UBE2W: variants seen among roughly 807,000 people sequenced by gnomAD.
The protein encoded by UBE2W is ubiquitin conjugating enzyme E2 W, also known as ubiquitin-conjugating enzyme E2 W.
UBE2W carries 18 observed loss-of-function variants against 27.2 expected under a neutral mutation model. That is an observed-to-expected ratio of 0.66 (90% confidence interval 0.46 to 0.98). The LOEUF is 0.98. Among genes scored for constraint, UBE2W ranks in the 50% least tolerant of loss-of-function variants. UBE2W has a pLI of 0.00. For synonymous variants in UBE2W, 53 were observed against 57.2 expected, an observed-to-expected ratio of 0.93 and a Z score of 0.33; for missense variants, 90 against 180.2, an observed-to-expected ratio of 0.50 and a Z score of 2.87.
intron 1 of UBE2W, among the ~76,000 whole-genome samples, chr8:73,878,555 C>T (rs2131009183): frequency 6.6e-6 from 1 of 152,334 alleles, no homozygotes; most frequent in Admixed American, 6.5e-5. Flanking sequence ...GCCCTTTCTT[C>T]CCCAACCCTC....
intron 1 of UBE2W, among the ~76,000 whole-genome samples, chr8:73,851,700 G>C (rs1160917315): frequency 6.6e-6 from 1 of 152,114 alleles, no homozygotes; most frequent in Admixed American, 6.6e-5. Context: ...AATTACATTT[G>C]AGACATTACT....
At chr8:73,863,761 G>A (rs1159891520) in intron 1 of UBE2W, among the ~76,000 whole-genome samples, 1 of 151,778 alleles carries the variant, frequency 6.6e-6, no homozygotes, top group Admixed American at 6.6e-5. Flanking sequence ...CTCAAAAAAA[G>A]AATTAGCTGA....
At chr8:73,846,771 G>C (rs1030584077) in intron 1 of UBE2W, among the ~76,000 whole-genome samples, 1 of 152,188 alleles carries the variant, frequency 6.6e-6, no homozygotes, top group Non-Finnish European at 1.5e-5. Flanking sequence ...GGGAGTTAAA[G>C]CATTTTAAGG....
chr8:73,812,221 T>TA (rs760841875), intron 3 of UBE2W, among the ~76,000 whole-genome samples: 1,114 of 75,364 alleles, frequency 0.015, 9 homozygotes, highest in African/African-American at 0.028. Context: ...TTCCCACTAA[T>TA]AAAAAAAAAA....
At position 73,787,165 on chromosome 8, in the gene UBE2W, TA is replaced by T. The variant is rs1563560833; in HGVS notation, c.*6936del. 5 of 985,322 alleles carry T rather than the reference TA, an allele frequency of 5.1e-6. No homozygotes were observed. Among genetic ancestry groups the T allele is most frequent in the Non-Finnish European group, 4.8e-6 (4 of 829,902 alleles). The allele number at this position is 985,322 out of a possible 1,614,324, so 61.0% of individuals were successfully genotyped here. Reference sequence around the variant, plus strand: ...ATTAAAAATAAATCTTACAGGCAACTAAAAAAATGGTTGAAAGGGGCTCCCA... The same window carrying T: ...ATTAAAAATAAATCTTACAGGCAACTAAAAAATGGTTGAAAGGGGCTCCCA... On this transcript the variant is annotated 3_prime_UTR_variant, in exon 6 of 6. Transcript: ENST00000602593.
At position 73,792,364 on chromosome 8, in the gene UBE2W, T is replaced by A. The variant is rs1163059206; in HGVS notation, c.*1738A>T. On this transcript the variant is annotated 3_prime_UTR_variant, in exon 6 of 6. Coordinates refer to ENST00000602593, the MANE Select transcript of UBE2W (RefSeq NM_018299.6). ...CACGGTTTTAATTTTTTTTTTCAAGTTATTTCTATAGCAGACATATTTTTG... is the reference window on the plus strand; with the variant it reads ...CACGGTTTTAATTTTTTTTTTCAAGATATTTCTATAGCAGACATATTTTTG... The A allele has an allele frequency of 1.0e-6, 1 of 985,464 alleles. No homozygotes were observed. The highest frequency in any genetic ancestry group is 1.2e-6 in the Non-Finnish European group (1 of 829,734). 61.0% of individuals were successfully genotyped at this position (985,464 alleles called of 1,614,324 possible).
chr8:73,825,298 TAAG>T, intron 2 of UBE2W, 49 bp from the exon 3 acceptor site: 1 of 1,372,832 alleles, frequency 7.3e-7, no homozygotes, highest in Non-Finnish European at 1.0e-6. Flanking sequence ...GAGACTGGGG[TAAG>T]GAGGAGAAAA....
chr8:73,801,714 T>A (rs1330612782), intron 5 of UBE2W, among the ~76,000 whole-genome samples: 1 of 152,192 alleles, frequency 6.6e-6, no homozygotes, highest in Non-Finnish European at 1.5e-5. Context: ...TGTAAAGGCA[T>A]GAAGAAGCGG....
In UBE2W at chr8:73,793,233, T is replaced by G; in HGVS notation, c.*869A>C. 1 of 985,582 alleles carries G rather than the reference T, an allele frequency of 1.0e-6. No individual in the cohort carries two copies. Among genetic ancestry groups the G allele is most frequent in the Non-Finnish European group, 1.2e-6 (1 of 829,894 alleles). The allele number at this position is 985,582 out of a possible 1,614,324, so 61.1% of individuals were successfully genotyped here. Reference sequence around the variant, plus strand: ...GGAAGTTAACAGAGTGTAACTTACTTGGAAAAAATCTTTAATGTACAAATA... The same window carrying G: ...GGAAGTTAACAGAGTGTAACTTACTGGGAAAAAATCTTTAATGTACAAATA... On this transcript the variant is annotated 3_prime_UTR_variant, in exon 6 of 6. Coordinates refer to ENST00000602593, the MANE Select transcript of UBE2W (RefSeq NM_018299.6).
At chr8:73,785,549 G>A (rs1415980624), downstream of UBE2W, among the ~76,000 whole-genome samples, 1 of 152,126 alleles carries the variant, frequency 6.6e-6, no homozygotes, top group African/African-American at 2.4e-5. Context: ...CCATCGCCCA[G>A]ATAGCGAACA....
chr8:73,784,098 TC>T (rs1334618573), downstream of UBE2W, among the ~76,000 whole-genome samples: 2 of 152,102 alleles, frequency 1.3e-5, no homozygotes, highest in African/African-American at 4.8e-5. Context: ...ACCACACTGT[TC>T]TTTATCATAC....
intron 5 of UBE2W, 38 bp downstream of exon 5, chr8:73,805,612 CA>C (rs1808869064): frequency 7.7e-7 from 1 of 1,297,832 alleles, no homozygotes; most frequent in African/African-American, 1.5e-5. Context: ...ATCTTCATAT[CA>C]AAATGCTAAA....
chr8:73,794,736 C>A (rs1242335256), intron 5 of UBE2W, among the ~76,000 whole-genome samples: 1 of 151,630 alleles, frequency 6.6e-6, no homozygotes, highest in Non-Finnish European at 1.5e-5. Context: ...AACCCTCCCT[C>A]TACTAAAAAT....
chr8:73,794,979 C>CAT (rs1382382626), intron 5 of UBE2W, among the ~76,000 whole-genome samples: 2 of 151,396 alleles, frequency 1.3e-5, no homozygotes, highest in Non-Finnish European at 2.9e-5. Context: ...AGCCTCAACA[C>CAT]ATATATATGT....
At chr8:73,858,260 C>T (rs1350082577) in intron 1 of UBE2W, among the ~76,000 whole-genome samples, 1 of 150,322 alleles carries the variant, frequency 6.7e-6, no homozygotes, top group Non-Finnish European at 1.5e-5. Flanking sequence ...ACTTAGGAGG[C>T]TGAGGCAGGA....
chr8:73,822,984 T>C (rs571731468), intron 3 of UBE2W, among the ~76,000 whole-genome samples: 5 of 152,296 alleles, frequency 3.3e-5, no homozygotes, highest in Admixed American at 6.5e-5. Context: ...AGTTTAGTTG[T>C]GTTAAATTTG....
Position 73,788,973 on chromosome 8 carries a change from T to TA in UBE2W, c.*5128dup, listed in dbSNP as rs1326143645. On this transcript the variant is annotated 3_prime_UTR_variant, in exon 6 of 6. Coordinates refer to ENST00000602593, the MANE Select transcript of UBE2W (RefSeq NM_018299.6). ...TATTTTATTAACAAAAAATTTTTCATAAAAAAATAGTCATTTAATCATTCT... is the reference window on the plus strand; with the variant it reads ...TATTTTATTAACAAAAAATTTTTCATAAAAAAAATAGTCATTTAATCATTCT... 2.0e-5 allele frequency: 20 copies of TA among 982,784 alleles called. No individual in the cohort carries two copies. The highest frequency in any genetic ancestry group is 6.2e-5 in the Admixed American group (1 of 16,220). The allele number at this position is 982,784 out of a possible 1,614,324, so 60.9% of individuals were successfully genotyped here. A position where few individuals can be genotyped will look rare whatever the true frequency, so the allele number is the denominator to read the frequency against.
In UBE2W at chr8:73,790,080, A is replaced by G. The variant is rs528244466; in HGVS notation, c.*4022T>C. 1.6e-4 allele frequency: 161 copies of G among 985,144 alleles called. 1 individual carries two copies. In the African/African-American group the frequency reaches 2.6e-3, roughly 16 times the overall value. The allele number at this position is 985,144 out of a possible 1,614,324, so 61.0% of individuals were successfully genotyped here. ...CATCTACTGACAAACTGAAATTAGTATCAGAAACTCCATGTATTTTATTTG... is the reference window on the plus strand; with the variant it reads ...CATCTACTGACAAACTGAAATTAGTGTCAGAAACTCCATGTATTTTATTTG... On this transcript the variant is annotated 3_prime_UTR_variant, in exon 6 of 6. Coordinates refer to ENST00000602593, the MANE Select transcript of UBE2W (RefSeq NM_018299.6).
intron 5 of UBE2W, among the ~76,000 whole-genome samples, chr8:73,796,092 G>A (rs1043081558): frequency 6.9e-6 from 1 of 143,924 alleles, no homozygotes; most frequent in African/African-American, 2.6e-5. Context: ...AAAGGGGGAT[G>A]TTCTTTAAAT....
Sources: allele counts gnomAD v4.1 joint callset (sites outside exome capture counted in the v4.1 genomes callset), GRCh38; gene constraint gnomAD v4.1.1; transcripts MANE v1.5; gene names NCBI Gene and HGNC (gene_info 2026-07-23, HGNC 2026-07-21).